Variants in TESK2 observed in about 807,000 individuals in gnomAD.
TESK2 encodes the protein dual specificity testis-specific protein kinase 2.
In TESK2, 39 loss-of-function variants were observed where a neutral mutation model predicts 57.1. That is an observed-to-expected ratio of 0.68 (90% confidence interval 0.53 to 0.89). The LOEUF (loss-of-function observed/expected upper bound fraction) is 0.89. Among genes scored for constraint, TESK2 ranks in the 40% least tolerant of loss-of-function variants. TESK2 has a pLI of 0.00. For synonymous variants in TESK2, 249 were observed against 267.9 expected (o/e 0.93, Z 0.69); for missense variants, 646 against 732.1 (o/e 0.88, Z 1.36).
At chr1:45,379,704 ATAAC>A (rs1648571862) in intron 4 of TESK2, among the ~76,000 whole-genome samples, 2 of 152,200 alleles carry the variant, frequency 1.3e-5, no homozygotes, top group African/African-American at 4.8e-5. Context: ...AGCTATGTGA[ATAAC>A]AAACTCTCTG....
rs775552955 is a variant in TESK2 at position 45,457,588 on chromosome 1, A to G, written c.198T>C (p.Ser66=). Residue 66 remains serine, a synonymous_variant, in exon 2 of 11, where the codon TCT becomes TCC. Transcript: ENST00000372086. ...CCTTGAACACTTCAGAAAAGAAGCC[A>G]GACCCTATTTTTTCACAGGTGAAAT... ...LDDFTCEKIG[S]GFFSEVFKVR... The G allele has an allele frequency of 6.2e-7, 1 of 1,614,132 alleles. No individual in the cohort carries two copies. The highest frequency in any genetic ancestry group is 8.5e-7 in the Non-Finnish European group (1 of 1,179,996).
intron 1 of TESK2, among the ~76,000 whole-genome samples, chr1:45,474,396 A>G (rs1652899404): frequency 6.6e-6 from 1 of 151,902 alleles, no homozygotes; most frequent in African/African-American, 2.4e-5. Context: ...GGAGGCCAAG[A>G]CAGGAGGACT....
intron 4 of TESK2, among the ~76,000 whole-genome samples, chr1:45,369,716 CTT>C (rs922027763): frequency 8.5e-5 from 12 of 141,852 alleles, no homozygotes; most frequent in Admixed American, 2.1e-4. Context: ...GATAATTTTT[CTT>C]TTTTTTTTTT....
At chr1:45,459,533 C>G (rs1467802120) in intron 1 of TESK2, among the ~76,000 whole-genome samples, 1 of 152,212 alleles carries the variant, frequency 6.6e-6, no homozygotes, top group Non-Finnish European at 1.5e-5. Context: ...CAAATACTTA[C>G]ATCCACAAGA....
At chr1:45,396,109 A>T (rs2487444) in intron 3 of TESK2, among the ~76,000 whole-genome samples, 147,062 of 152,064 alleles carry the variant, frequency 0.97, 71,277 homozygotes, top group South Asian at 1. Context: ...ATTTTTATTT[A>T]TTTTTATTTA....
chr1:45,415,233 C>T, intron 3 of TESK2: 1 of 1,471,986 alleles, frequency 6.8e-7, no homozygotes, highest in Non-Finnish European at 9.5e-7. Flanking sequence ...AGCATGTGGT[C>T]TTTGGCAAGG....
At chr1:45,429,789 C>A (rs948489974) in intron 2 of TESK2, among the ~76,000 whole-genome samples, 2 of 152,170 alleles carry the variant, frequency 1.3e-5, no homozygotes, top group Non-Finnish European at 2.9e-5. Context: ...AAAGTCCCTC[C>A]GCTTTAACTC....
At chr1:45,425,378 C>T (rs1376658303) in intron 2 of TESK2, among the ~76,000 whole-genome samples, 1 of 152,178 alleles carries the variant, frequency 6.6e-6, no homozygotes, top group African/African-American at 2.4e-5. Context: ...AAAGGCCAGG[C>T]ACAGTGGTTC....
chr1:45,446,487 A>C (rs1381112155), intron 2 of TESK2, among the ~76,000 whole-genome samples: 1 of 152,030 alleles, frequency 6.6e-6, no homozygotes, highest in Non-Finnish European at 1.5e-5. Flanking sequence ...AATAAAAATA[A>C]AAAAGAGGAA....
At chr1:45,408,619 A>G (rs1649932840) in intron 3 of TESK2, among the ~76,000 whole-genome samples, 1 of 152,192 alleles carries the variant, frequency 6.6e-6, no homozygotes, top group African/African-American at 2.4e-5. Context: ...AATACTTCTG[A>G]GAAAGGTTGT....
intron 4 of TESK2, among the ~76,000 whole-genome samples, chr1:45,357,683 C>CA (rs934871753): frequency 3.3e-4 from 50 of 151,492 alleles, no homozygotes; most frequent in African/African-American, 1.1e-3. Context: ...CCCGTCCCTA[C>CA]AAAAAATACA....
intron 3 of TESK2, among the ~76,000 whole-genome samples, chr1:45,394,982 AC>A (rs1649302325): frequency 6.6e-6 from 1 of 151,666 alleles, no homozygotes; most frequent in Non-Finnish European, 1.5e-5. Context: ...TAGCCACTGC[AC>A]CCGGCCCCAA....
intron 4 of TESK2, among the ~76,000 whole-genome samples, chr1:45,384,373 A>ATCTATCTG (rs1553147462): frequency 1.5e-5 from 2 of 135,232 alleles, no homozygotes; most frequent in East Asian, 4.3e-4. Context: ...GTATCTATCT[A>ATCTATCTG]TCTATCTATC....
intron 10 of TESK2, 45 bp downstream of exon 10, chr1:45,345,832 T>A (rs752106801): frequency 6.6e-7 from 1 of 1,512,238 alleles, no homozygotes; most frequent in Non-Finnish European, 9.2e-7. Context: ...ACATCCGAAT[T>A]TCCTCCCTTA....
intron 8 of TESK2, 75 bp from the exon 9 acceptor site, chr1:45,346,854 T>A: frequency 6.5e-7 from 1 of 1,544,186 alleles, no homozygotes; most frequent in South Asian, 1.1e-5. Flanking sequence ...TCAGTAGAAG[T>A]GGTTGGGAGC....
At chr1:45,429,266 C>T (rs535398311) in intron 2 of TESK2, among the ~76,000 whole-genome samples, 2 of 151,960 alleles carry the variant, frequency 1.3e-5, no homozygotes, top group East Asian at 1.9e-4. Context: ...CGTGATGGTG[C>T]GTGTCTGTAG....
intron 3 of TESK2, among the ~76,000 whole-genome samples, chr1:45,393,783 A>G (rs573794887): frequency 2.6e-5 from 4 of 152,130 alleles, no homozygotes; most frequent in East Asian, 3.9e-4. Flanking sequence ...ATCACTCTAA[A>G]TGTTGTAAAA....
At chr1:45,366,824 C>A (rs1169985836) in intron 4 of TESK2, among the ~76,000 whole-genome samples, 3 of 152,020 alleles carry the variant, frequency 2.0e-5, no homozygotes, top group Non-Finnish European at 4.4e-5. Context: ...CAATAAATAT[C>A]ATGCAAAAAC....
chr1:45,432,705 TATACA>T (rs1292923337), intron 2 of TESK2, among the ~76,000 whole-genome samples: 1 of 146,874 alleles, frequency 6.8e-6, no homozygotes, highest in African/African-American at 2.5e-5. Context: ...AAAAAAGATA[TATACA>T]ATACATTATT....
Sources: gnomAD v4.1 joint callset for allele counts (sites outside exome capture counted in the v4.1 genomes callset) on GRCh38, gnomAD v4.1.1 for gene constraint, MANE v1.5 for transcripts, NCBI Gene and HGNC (gene_info 2026-07-23, HGNC 2026-07-21) for gene names.